The following PCDHA6 variants were observed in gnomAD, a reference collection of about 807,000 sequenced individuals.
PCDHA6 encodes protocadherin alpha-6.
A neutral mutation model predicts 60.3 loss-of-function variants in PCDHA6; 55 were observed. That is an observed-to-expected ratio of 0.91 (90% confidence interval 0.73 to 1.14). The LOEUF (loss-of-function observed/expected upper bound fraction) is 1.14. Among genes scored for constraint, PCDHA6 ranks in the 50% most tolerant of loss-of-function variants. The pLI is 0.00. For synonymous variants in PCDHA6, 652 were observed against 557.9 expected, an observed-to-expected ratio of 1.17 and a Z score of -2.38; for missense variants, 1,327 against 1,256.5, an observed-to-expected ratio of 1.06 and a Z score of -0.85.
intron 1 of PCDHA6, among the ~76,000 whole-genome samples, chr5:140,922,161 A>C (rs1381544563): frequency 1.4e-5 from 2 of 147,172 alleles, no homozygotes; most frequent in African/African-American, 2.5e-5. Flanking sequence ...CAAAAACAAC[A>C]AAAAGTACAG....
intron 1 of PCDHA6, chr5:140,850,460 G>A (rs2150485288): frequency 1.3e-6 from 2 of 1,597,976 alleles, no homozygotes; most frequent in Non-Finnish European, 1.7e-6. Flanking sequence ...AAGACCACGG[G>A]GAGCCAGCGC....
intron 1 of PCDHA6, among the ~76,000 whole-genome samples, chr5:140,833,650 C>T (rs1554133918): frequency 6.6e-6 from 1 of 152,108 alleles, no homozygotes; most frequent in African/African-American, 2.4e-5. Flanking sequence ...TCACATGATA[C>T]AAATTCTTCC....
At position 140,855,056 on chromosome 5, in the gene PCDHA6, G is replaced by A. The variant is rs1045590902; in HGVS notation, c.2394+24571G>A. The stretch of plus-strand genomic sequence containing the variant: ...GATTTTTCTGTAATAGTACTTTTCT[G>A]TTTTCTTAAATACAGAAACCACCAC... On this transcript the variant is annotated intron_variant, in intron 1 of 3. Coordinates refer to ENST00000529310, the MANE Select transcript of PCDHA6 (RefSeq NM_018909.4). Among the ~76,000 whole-genome samples, 11 of 149,630 alleles carry A rather than the reference G, an allele frequency of 7.4e-5. 2 individuals are homozygous for A. The highest frequency in any genetic ancestry group is 1.6e-4 in the Non-Finnish European group (11 of 66,976).
At chr5:140,954,305 T>C (rs2153702260) in intron 1 of PCDHA6, among the ~76,000 whole-genome samples, 1 of 152,342 alleles carries the variant, frequency 6.6e-6, no homozygotes, top group South Asian at 2.1e-4. Context: ...TACCCAGTAA[T>C]GGGATTGCTG....
intron 1 of PCDHA6, among the ~76,000 whole-genome samples, chr5:140,918,323 T>C (rs1554198562): frequency 7.2e-5 from 11 of 152,184 alleles, no homozygotes. Flanking sequence ...TATAAAATTA[T>C]ATTGTCTGCT....
At chr5:140,967,624 G>C (rs950749188) in intron 1 of PCDHA6, 1 of 1,614,158 alleles carries the variant, frequency 6.2e-7, no homozygotes, top group Non-Finnish European at 8.5e-7. Flanking sequence ...ACCCGGATGA[G>C]GGCTCCAATG....
Position 141,010,254 on chromosome 5 carries a change from C to T in PCDHA6, c.*317C>T. Reference sequence around the variant, plus strand: ...GCCAGTGAGAGGTTGGACTCTCTGCCCTGTGCTCCGGGGATCCTGTCTTGA... The same window carrying T: ...GCCAGTGAGAGGTTGGACTCTCTGCTCTGTGCTCCGGGGATCCTGTCTTGA... On this transcript the variant is annotated 3_prime_UTR_variant, in exon 4 of 4. Transcript: ENST00000529310. The T allele has an allele frequency of 6.4e-7, 1 of 1,551,810 alleles. No individual in the cohort carries two copies. Among genetic ancestry groups the T allele is most frequent in the Non-Finnish European group, 8.7e-7 (1 of 1,147,018 alleles).
At position 140,847,877 on chromosome 5, in the gene PCDHA6, C is replaced by G. The variant is rs1305831915; in HGVS notation, c.2394+17392C>G. On this transcript the variant is annotated intron_variant, in intron 1 of 3. Coordinates refer to ENST00000529310, the MANE Select transcript of PCDHA6 (RefSeq NM_018909.4). ...TGTTGATTCCTTTTACCAGACATGA[C>G]TAAGTTTCTTTTTCATCAGTAGATT... 5 of 149,752 alleles carry G rather than the reference C, an allele frequency of 3.3e-5. 1 individual carries two copies. The highest frequency in any genetic ancestry group is 7.5e-5 in the Non-Finnish European group (5 of 66,994). 9.3% of individuals were successfully genotyped at this position (149,752 alleles called of 1,614,324 possible). A position where few individuals can be genotyped will look rare whatever the true frequency, so the allele number is the denominator to read the frequency against.
intron 1 of PCDHA6, chr5:140,862,140 G>A (rs2047224781): frequency 6.1e-6 from 1 of 162,900 alleles, no homozygotes; most frequent in Admixed American, 5.7e-5. Flanking sequence ...AGGTTTTGAG[G>A]AAACTAAATA....
At chr5:140,882,991 AT>A (rs1554176407) in intron 1 of PCDHA6, 2 of 1,614,112 alleles carry the variant, frequency 1.2e-6, no homozygotes, top group Non-Finnish European at 1.7e-6. Flanking sequence ...ACGCCCCGGA[AT>A]TTTACCAATC....
chr5:140,869,082 T>C (rs1554162459), intron 1 of PCDHA6: 1 of 1,582,446 alleles, frequency 6.3e-7, no homozygotes, highest in East Asian at 2.2e-5. Flanking sequence ...GAAGCTTATT[T>C]TGGAAGCCAA....
chr5:140,835,258 A>G (rs2150232835), intron 1 of PCDHA6: 2 of 1,607,720 alleles, frequency 1.2e-6, no homozygotes, highest in African/African-American at 1.4e-5. Flanking sequence ...ATAAAATCCA[A>G]GTTCCACATG....
At chr5:140,994,720 A>C (rs2097647295) in intron 3 of PCDHA6, among the ~76,000 whole-genome samples, 1 of 152,160 alleles carries the variant, frequency 6.6e-6, no homozygotes. Flanking sequence ...AAAATTTAAA[A>C]TACTGGGTAT....
chr5:140,876,984 G>C (rs2056761931), intron 1 of PCDHA6: 9 of 1,612,672 alleles, frequency 5.6e-6, no homozygotes, highest in African/African-American at 1.3e-5. Flanking sequence ...AGCACGCACT[G>C]TCGAGCTACG....
chr5:140,984,505 TGATGCATGAGTCACA>T (rs2097106604), intron 3 of PCDHA6, among the ~76,000 whole-genome samples: 1 of 152,206 alleles, frequency 6.6e-6, no homozygotes, highest in African/African-American at 2.4e-5. Context: ...GCCTGGCTGC[TGATGCATGAGTCACA>T]GTCTTCATGG....
chr5:140,984,392 G>C (rs914978799), intron 3 of PCDHA6, among the ~76,000 whole-genome samples: 1 of 152,156 alleles, frequency 6.6e-6, no homozygotes, highest in South Asian at 2.1e-4. Context: ...TTCAAAAAAT[G>C]TTGAGAACCT....
rs782421802 is a variant in PCDHA6, at chr5:140,862,804, C to T, written c.2394+32319C>T. The T allele has an allele frequency of 7.0e-6, 4 of 574,030 alleles. No individual in the cohort carries two copies. The African/African-American group carries it at 7.9e-5, about 11-fold the overall frequency. The allele number at this position is 574,030 out of a possible 1,614,324, so 35.6% of individuals were successfully genotyped here. On this transcript the variant is annotated intron_variant, in intron 1 of 3. Coordinates refer to ENST00000529310, the MANE Select transcript of PCDHA6 (RefSeq NM_018909.4). ...ACTGGACTACGAGGAGCTGGAGCTG[C>T]TGCAGTTCTAGGTGAGAGCGCGCGA...
At chr5:140,986,696 C>G (rs2097209947) in intron 3 of PCDHA6, among the ~76,000 whole-genome samples, 2 of 152,130 alleles carry the variant, frequency 1.3e-5, no homozygotes, top group South Asian at 2.1e-4. Context: ...TCAAAACACA[C>G]AGCACTGCAG....
chr5:140,841,816 C>G (rs2150323334), intron 1 of PCDHA6: 1 of 1,613,928 alleles, frequency 6.2e-7, no homozygotes, highest in East Asian at 2.2e-5. Flanking sequence ...TTGGAGCTAA[C>G]TCCGTGTTAA....
Sources: allele counts gnomAD v4.1 joint callset (sites outside exome capture counted in the v4.1 genomes callset), GRCh38; gene constraint gnomAD v4.1.1; transcripts MANE v1.5; gene names NCBI Gene and HGNC (gene_info 2026-07-23, HGNC 2026-07-21).